The following ZFAND3 variants were observed in gnomAD, a reference collection of about 807,000 sequenced individuals.
ZFAND3 encodes zinc finger AN1-type containing 3, also known as AN1-type zinc finger protein 3.
Under a neutral mutation model 29.6 loss-of-function variants are expected in ZFAND3, and 10 were observed. The ratio of observed to expected loss-of-function variants is 0.34; its 90% CI spans 0.21 to 0.57. The LOEUF is 0.57. ZFAND3 is among the 20% of genes least tolerant of loss of function. The probability of loss-of-function intolerance (pLI) is 0.86; values close to 1 mark genes in which losing one functional copy is unlikely to be tolerated. For synonymous variants in ZFAND3, 128 were observed against 112.6 expected (o/e 1.14, Z -0.87); for missense variants, 230 against 304.5 (o/e 0.76, Z 1.82).
chr6:37,902,681 T>C (rs998855737), intron 1 of ZFAND3, among the ~76,000 whole-genome samples: 1 of 151,900 alleles, frequency 6.6e-6, no homozygotes. Flanking sequence ...TAATTTTAAT[T>C]GAATGTAGAC....
chr6:38,038,311 G>A (rs1763696969), intron 2 of ZFAND3, among the ~76,000 whole-genome samples: 1 of 152,216 alleles, frequency 6.6e-6, no homozygotes, highest in African/African-American at 2.4e-5. Context: ...GATGGATGCA[G>A]TGCAGCCTTT....
chr6:37,932,360 G>T (rs1581772607), intron 2 of ZFAND3, among the ~76,000 whole-genome samples: 1 of 152,290 alleles, frequency 6.6e-6, no homozygotes, highest in South Asian at 2.1e-4. Context: ...CTGATGAAAG[G>T]TTAACTTTAT....
chr6:37,977,835 C>T (rs112233328), intron 2 of ZFAND3, among the ~76,000 whole-genome samples: 17 of 97,776 alleles, frequency 1.7e-4, no homozygotes, highest in African/African-American at 3.8e-4. Flanking sequence ...GCTTTTCCTT[C>T]CTTCCTTCCT....
At chr6:38,085,772 C>A (rs1176270517) in intron 4 of ZFAND3, among the ~76,000 whole-genome samples, 4 of 152,038 alleles carry the variant, frequency 2.6e-5, no homozygotes, top group Admixed American at 2.6e-4. Flanking sequence ...CAAATACACA[C>A]ACAAATATAT....
At chr6:38,007,283 G>A (rs1019967843) in intron 2 of ZFAND3, among the ~76,000 whole-genome samples, 11 of 152,172 alleles carry the variant, frequency 7.2e-5, no homozygotes, top group Non-Finnish European at 1.5e-4. Flanking sequence ...CACTTTGGGA[G>A]GCTGAGGATT....
chr6:38,021,240 C>T (rs1322363423), intron 2 of ZFAND3, among the ~76,000 whole-genome samples: 1 of 152,168 alleles, frequency 6.6e-6, no homozygotes, highest in Admixed American at 6.5e-5. Flanking sequence ...ATTATCCCAG[C>T]TGCCGCGATA....
At chr6:37,896,033 CTT>C (rs1318156772) in intron 1 of ZFAND3, among the ~76,000 whole-genome samples, 1 of 152,126 alleles carries the variant, frequency 6.6e-6, no homozygotes, top group Non-Finnish European at 1.5e-5. Context: ...TTTCAGAAGT[CTT>C]TGTCCTTCCT....
chr6:38,097,254 T>TCA (rs1765001847), intron 4 of ZFAND3, among the ~76,000 whole-genome samples: 1 of 149,506 alleles, frequency 6.7e-6, no homozygotes, highest in Non-Finnish European at 1.5e-5. Context: ...TTTTCATTTT[T>TCA]TTTTTTTTTT....
Position 38,149,750 on chromosome 6 carries a change from T to G in ZFAND3, c.530-2485T>G, listed in dbSNP as rs572298921. Among the ~76,000 whole-genome samples, 470 of 152,302 alleles carry G rather than the reference T, an allele frequency of 3.1e-3. 3 individuals carry two copies. Among genetic ancestry groups the G allele is most frequent in the African/African-American group, 0.011 (447 of 41,566 alleles). On this transcript the variant is annotated intron_variant, in intron 5 of 5. Transcript: ENST00000287218. ...CCTTCCACCCCAGTCCATCTTTGAC[T>G]AATGAGGTGTTAAGCTGAGCCAGGA...
chr6:38,014,315 A>ATTG (rs998336385), intron 2 of ZFAND3, among the ~76,000 whole-genome samples: 8 of 150,078 alleles, frequency 5.3e-5, no homozygotes, highest in Non-Finnish European at 1.0e-4. Context: ...ATTTTACTTT[A>ATTG]TTATTATTAT....
chr6:38,000,006 G>A (rs1762917057), intron 2 of ZFAND3, among the ~76,000 whole-genome samples: 1 of 152,066 alleles, frequency 6.6e-6, no homozygotes, highest in South Asian at 2.1e-4. Context: ...AAGCTTTATA[G>A]ATTCCATTGA....
intron 1 of ZFAND3, among the ~76,000 whole-genome samples, chr6:37,841,643 C>T (rs185832192): frequency 1.6e-3 from 240 of 152,174 alleles, no homozygotes; most frequent in African/African-American, 5.3e-3. Flanking sequence ...CCACCATGCC[C>T]GGCTAATTTT....
chr6:37,882,332 A>G (rs1002820563), intron 1 of ZFAND3, among the ~76,000 whole-genome samples: 2 of 152,144 alleles, frequency 1.3e-5, no homozygotes, highest in African/African-American at 4.8e-5. Flanking sequence ...TTTTGGGGGC[A>G]GTAGTCAAAT....
chr6:37,949,423 G>T (rs1302279995), intron 2 of ZFAND3, among the ~76,000 whole-genome samples: 1 of 151,900 alleles, frequency 6.6e-6, no homozygotes, highest in Non-Finnish European at 1.5e-5. Context: ...TGTGTGGGGG[G>T]GTCTCTCCCC....
chr6:38,123,422 T>G (rs1765571396), intron 5 of ZFAND3, among the ~76,000 whole-genome samples: 1 of 152,248 alleles, frequency 6.6e-6, no homozygotes, highest in African/African-American at 2.4e-5. Flanking sequence ...GCATTCTGTC[T>G]TATGTCTGTA....
chr6:38,020,192 G>A (rs1452424422), intron 2 of ZFAND3, among the ~76,000 whole-genome samples: 1 of 150,582 alleles, frequency 6.6e-6, no homozygotes, highest in Non-Finnish European at 1.5e-5. Flanking sequence ...TATGTAAAAT[G>A]AGAATAATTA....
chr6:38,052,324 G>T (rs867996293), intron 2 of ZFAND3, among the ~76,000 whole-genome samples: 2 of 152,182 alleles, frequency 1.3e-5, no homozygotes, highest in African/African-American at 4.8e-5. Flanking sequence ...ATTTTTATAT[G>T]TGTGGGGATA....
intron 2 of ZFAND3, among the ~76,000 whole-genome samples, chr6:38,035,111 T>C (rs2127453335): frequency 6.6e-6 from 1 of 152,254 alleles, no homozygotes; most frequent in South Asian, 2.1e-4. Flanking sequence ...TGGTGGCTTT[T>C]TTGATGCATG....
chr6:38,080,526 A>T (rs1561991936), intron 3 of ZFAND3, among the ~76,000 whole-genome samples: 1 of 152,148 alleles, frequency 6.6e-6, no homozygotes, highest in Non-Finnish European at 1.5e-5. Context: ...TTCTGTACAG[A>T]TGATTCATCA....
Sources: allele counts gnomAD v4.1 joint callset (sites outside exome capture counted in the v4.1 genomes callset), GRCh38; gene constraint gnomAD v4.1.1; transcripts MANE v1.5; gene names NCBI Gene and HGNC (gene_info 2026-07-23, HGNC 2026-07-21).